TASP1: variants seen among roughly 807,000 people sequenced by gnomAD.
TASP1 encodes taspase 1, also known as threonine aspartase 1.
Under a neutral mutation model 56.6 loss-of-function variants are expected in TASP1, and 16 were observed. That is an observed-to-expected ratio of 0.28 (90% CI 0.19 to 0.43). The LOEUF (loss-of-function observed/expected upper bound fraction) is 0.43. TASP1 is among the 20% of genes least tolerant of loss of function. The pLI, the probability that TASP1 is intolerant of heterozygous loss-of-function variation, is 1.00. For synonymous variants in TASP1, 179 were observed against 184.2 expected (o/e 0.97, Z 0.23); for missense variants, 393 against 511.6 (o/e 0.77, Z 2.24).
At chr20:13,609,996 G>A (rs6134937) in intron 4 of TASP1, among the ~76,000 whole-genome samples, 39,132 of 152,036 alleles carry the variant, frequency 0.26, 6,472 homozygotes, top group African/African-American at 0.47. Flanking sequence ...TATTCTAAGC[G>A]AAAAAAGCCA....
At chr20:13,592,416 T>C (rs895377790) in intron 4 of TASP1, among the ~76,000 whole-genome samples, 2 of 151,494 alleles carry the variant, frequency 1.3e-5, no homozygotes, top group African/African-American at 4.9e-5. Flanking sequence ...AAAAAAATTA[T>C]ATTCAAATTG....
intron 2 of TASP1, among the ~76,000 whole-genome samples, chr20:13,629,268 G>A (rs762253333): frequency 6.6e-6 from 1 of 151,082 alleles, no homozygotes; most frequent in African/African-American, 2.4e-5. Context: ...AGAGGCTGAG[G>A]CAGGTGAATT....
chr20:13,581,137 A>G (rs574016335), intron 5 of TASP1, among the ~76,000 whole-genome samples, 156 bp from the exon 6 acceptor site: 1 of 152,322 alleles, frequency 6.6e-6, no homozygotes, highest in South Asian at 2.1e-4. Context: ...CTTAATAACC[A>G]TGAGCAATAA....
chr20:13,463,119 A>G (rs2044117361), intron 11 of TASP1, among the ~76,000 whole-genome samples: 1 of 152,158 alleles, frequency 6.6e-6, no homozygotes, highest in African/African-American at 2.4e-5. Context: ...TTCAAAACTT[A>G]GTATGATGCC....
At chr20:13,588,895 T>C (rs1284676890) in intron 4 of TASP1, among the ~76,000 whole-genome samples, 2 of 152,110 alleles carry the variant, frequency 1.3e-5, no homozygotes, top group Admixed American at 6.5e-5. Context: ...TCATACTTAC[T>C]ACAAAACTAC....
chr20:13,229,958 C>T, the TASP1 span, among the ~76,000 whole-genome samples: 1 of 152,126 alleles, frequency 6.6e-6, no homozygotes, highest in African/African-American at 2.4e-5. Flanking sequence ...TGGTCGGCCA[C>T]CTTGAGCTCA....
chr20:13,373,181 C>T, the TASP1 span, among the ~76,000 whole-genome samples: 2 of 152,004 alleles, frequency 1.3e-5, no homozygotes, highest in Non-Finnish European at 2.9e-5. Flanking sequence ...TGCCTCCACC[C>T]ATCTCCTTTA....
chr20:13,598,077 G>T (rs1383365101), intron 4 of TASP1, among the ~76,000 whole-genome samples: 1 of 152,170 alleles, frequency 6.6e-6, no homozygotes, highest in African/African-American at 2.4e-5. Context: ...TGGGTAGGAA[G>T]AATCAATGTC....
chr20:13,117,861 G>A, the TASP1 span: 1 of 766,932 alleles, frequency 1.3e-6, no homozygotes, highest in Non-Finnish European at 2.0e-6. Flanking sequence ...TGGCTACAGT[G>A]GGTTCACAGC....
At chr20:13,293,035 TA>T in the TASP1 span, among the ~76,000 whole-genome samples, 10 of 151,762 alleles carry the variant, frequency 6.6e-5, no homozygotes, top group African/African-American at 2.2e-4. Context: ...CCGTCTCTAC[TA>T]AAAATACAAA....
chr20:13,391,016 C>G (rs562818156), intron 13 of TASP1, among the ~76,000 whole-genome samples: 2 of 152,180 alleles, frequency 1.3e-5, no homozygotes, highest in Non-Finnish European at 2.9e-5. Context: ...ACGAAGAAAT[C>G]TAAGCTGAGG....
chr20:13,393,527 C>T (rs2041375673), intron 13 of TASP1: 1 of 796,192 alleles, frequency 1.3e-6, no homozygotes, highest in Non-Finnish European at 2.2e-6. Flanking sequence ...TCTCCTCCAA[C>T]AGTGATACCC....
chr20:13,485,534 G>A (rs6033727), intron 10 of TASP1, among the ~76,000 whole-genome samples: 32,137 of 152,006 alleles, frequency 0.21, 3,560 homozygotes, highest in Middle Eastern at 0.28. Context: ...TTGGTAAAGC[G>A]TAAATGCAAA....
At chr20:13,360,325 A>G in the TASP1 span, among the ~76,000 whole-genome samples, 2 of 150,374 alleles carry the variant, frequency 1.3e-5, no homozygotes, top group Non-Finnish European at 2.9e-5. Context: ...AGCTTCACAG[A>G]CAGCCCCCAT....
intron 11 of TASP1, among the ~76,000 whole-genome samples, chr20:13,472,973 T>C (rs1230862633): frequency 6.6e-6 from 1 of 152,124 alleles, no homozygotes; most frequent in Non-Finnish European, 1.5e-5. Context: ...GACCCAGCCA[T>C]CCCATTACTG....
chr20:13,116,866 T>C, the TASP1 span, among the ~76,000 whole-genome samples: 3 of 152,292 alleles, frequency 2.0e-5, no homozygotes, highest in East Asian at 5.8e-4. Context: ...AATCTGTGTT[T>C]TAACAAATCC....
chr20:13,400,610 G>A (rs938266564), intron 13 of TASP1, among the ~76,000 whole-genome samples: 14 of 152,100 alleles, frequency 9.2e-5, no homozygotes, highest in African/African-American at 3.4e-4. Flanking sequence ...CTTCAACATT[G>A]CAGCAGACAG....
chr20:13,268,150 T>TCTTCTCTTCC, the TASP1 span, among the ~76,000 whole-genome samples: 6 of 141,510 alleles, frequency 4.2e-5, no homozygotes, highest in Non-Finnish European at 7.8e-5. Context: ...TCTTCTCTTC[T>TCTTCTCTTCC]CTTCCCTTCC....
the TASP1 span, among the ~76,000 whole-genome samples, chr20:13,123,250 G>A: frequency 6.6e-6 from 1 of 151,794 alleles, no homozygotes; most frequent in Non-Finnish European, 1.5e-5. Context: ...AGAATTGCTG[G>A]AGCCCAGGAG....
Sources: gnomAD v4.1 joint callset for allele counts (sites outside exome capture counted in the v4.1 genomes callset) on GRCh38, gnomAD v4.1.1 for gene constraint, MANE v1.5 for transcripts, NCBI Gene and HGNC (gene_info 2026-07-23, HGNC 2026-07-21) for gene names.